Variants in AREL1 observed in about 807,000 individuals in gnomAD.
The protein encoded by AREL1 is apoptosis-resistant E3 ubiquitin protein ligase 1.
In AREL1, 62 loss-of-function variants were observed where a neutral mutation model predicts 99.0. The observed-to-expected ratio is 0.63, with a 90% CI of 0.51 to 0.77. AREL1 has a LOEUF of 0.77. Ranked by LOEUF, AREL1 falls within the 30% of genes least tolerant of loss-of-function variation. The pLI is 0.00. For synonymous variants in AREL1, 380 were observed against 376.5 expected (o/e 1.01, Z -0.11); for missense variants, 879 against 1,027.6 (o/e 0.86, Z 1.98).
At position 74,669,656 on chromosome 14, in the gene AREL1, A is replaced by T; in HGVS notation, c.1907T>A (p.Leu636Ter). The T allele has an allele frequency of 6.2e-7, 1 of 1,614,032 alleles. No homozygotes were observed. The highest frequency in any genetic ancestry group is 1.7e-5 in the Admixed American group (1 of 60,018). The change falls in exon 15 of 20, where the codon TTG becomes TAG. Residue 636 changes from leucine (L) to a stop codon, truncating the protein, a stop_gained. Coordinates refer to ENST00000356357, the MANE Select transcript of AREL1 (RefSeq NM_001039479.2). LOFTEE classifies it high-confidence loss of function. ...CTTTGTCCTCTTTCTCACCTTATCC[A>T]ATTGACCTGATTTATTATATTTCTC... ...AEEKYNKSGQ[L>*]DKVVELMTGG...
chr14:74,663,732 A>G lies in AREL1; in HGVS notation c.2460T>C (p.Phe820=), dbSNP rs753612252. 5 of 1,613,926 alleles carry G rather than the reference A, an allele frequency of 3.1e-6. No homozygotes were observed. The East Asian group carries it at 8.9e-5, about 29-fold the overall frequency. Residue 820 remains phenylalanine, a synonymous_variant, in exon 20 of 20, where the codon TTT becomes TTC. Transcript: ENST00000356357. Reference sequence around the variant, plus strand: ...GACAGGAGAGTGGTCAGAGCATGCCAAAGCCCTCGCAACCCTCGCTGATGG... The same window carrying G: ...GACAGGAGAGTGGTCAGAGCATGCCGAAGCCCTCGCAACCCTCGCTGATGG... The part of the protein sequence containing the change: ...QLAISEGCEG[F]GML
chr14:74,678,360 C>G, intron 5 of AREL1: 1 of 357,010 alleles, frequency 2.8e-6, no homozygotes, highest in Non-Finnish European at 5.4e-6. Context: ...TAGCTAAGCA[C>G]GGTGGTGCAC....
At chr14:74,676,472 G>T in intron 6 of AREL1, 111 bp downstream of exon 6, 1 of 1,428,840 alleles carries the variant, frequency 7.0e-7, no homozygotes, top group Non-Finnish European at 9.5e-7. Context: ...GATACAGACA[G>T]CACAGAAGTC....
intron 13 of AREL1, 145 bp downstream of exon 13, chr14:74,670,617 T>C: frequency 1.5e-6 from 1 of 645,376 alleles, no homozygotes; most frequent in Non-Finnish European, 2.6e-6. Context: ...AGAAAGACAA[T>C]CTGATTAGCT....
In AREL1 at chr14:74,671,500, G is replaced by C. The variant is rs759021376; in HGVS notation, c.1423-17C>G. On this transcript the variant is annotated splice_polypyrimidine_tract_variant and intron_variant, in intron 11 of 19. Transcript: ENST00000356357. ...TTTCAGAGACTGAAAAGAAGTGAAAGGAAGGGAATTGTCAGAACACTGGCT... is the reference window on the plus strand; with the variant it reads ...TTTCAGAGACTGAAAAGAAGTGAAACGAAGGGAATTGTCAGAACACTGGCT... The C allele has an allele frequency of 6.4e-7, 1 of 1,562,236 alleles. No individual in the cohort carries two copies. Among genetic ancestry groups the C allele is most frequent in the East Asian group, 2.3e-5 (1 of 43,246 alleles).
At position 74,662,909 on chromosome 14, in the gene AREL1, C is replaced by G; in HGVS notation, c.*811G>C. ...CATACTTCAGTGCCAATAACAAACT[C>G]AGGGAAAAGCATCAGTAGTCTCCAA... On this transcript the variant is annotated 3_prime_UTR_variant, in exon 20 of 20. Transcript: ENST00000356357. The G allele has an allele frequency of 3.3e-6, 1 of 300,952 alleles. No individual in the cohort carries two copies. The highest frequency in any genetic ancestry group is 6.1e-6 in the Non-Finnish European group (1 of 164,166). The allele number at this position is 300,952 out of a possible 1,614,324, so 18.6% of individuals were successfully genotyped here. A position where few individuals can be genotyped will look rare whatever the true frequency, so the allele number is the denominator to read the frequency against.
chr14:74,682,836 TCGC>T (rs1240314948), intron 5 of AREL1, among the ~76,000 whole-genome samples: 1 of 152,260 alleles, frequency 6.6e-6, no homozygotes, highest in Non-Finnish European at 1.5e-5. Context: ...TGCTCCCGCT[TCGC>T]CTTCCACCAT....
Position 74,683,378 on chromosome 14 carries a change from G to A in AREL1, c.399C>T (p.Arg133=), listed in dbSNP as rs1329348882. 1 of 1,613,956 alleles carries A rather than the reference G, an allele frequency of 6.2e-7. No homozygotes were observed. The highest frequency in any genetic ancestry group is 1.3e-5 in the African/African-American group (1 of 74,872). Residue 133 remains arginine, a synonymous_variant, in exon 5 of 20, where the codon CGC becomes CGT. Transcript: ENST00000356357. ...SNVVKVAFTV[R]KAGRYEITVK... is the part of the protein sequence containing the mutation. ...CTGTGATTTCATAACGCCCAGCCTT[G>A]CGCACAGTGAAGGCCACTTTTACTA...
chr14:74,684,060 A>G (rs1390324072), intron 4 of AREL1, among the ~76,000 whole-genome samples: 1 of 152,192 alleles, frequency 6.6e-6, no homozygotes, highest in African/African-American at 2.4e-5. Flanking sequence ...TGTGGACCGT[A>G]CACAACTACT....
At chr14:74,664,613 A>ATTTTTTTTT (rs747317541) in intron 18 of AREL1, among the ~76,000 whole-genome samples, 2 of 117,970 alleles carry the variant, frequency 1.7e-5, no homozygotes, top group Middle Eastern at 4.3e-3. Context: ...CACCCAGCTA[A>ATTTTTTTTT]TTTTTTTTTT....
intron 18 of AREL1, among the ~76,000 whole-genome samples, chr14:74,664,613 ATTTTTT>A (rs747317541): frequency 6.8e-5 from 8 of 117,972 alleles, no homozygotes; most frequent in East Asian, 4.8e-4. Flanking sequence ...CACCCAGCTA[ATTTTTT>A]TTTTTTTTTT....
chr14:74,662,910 A>C lies in AREL1; in HGVS notation c.*810T>G, dbSNP rs1356198512. The C allele has an allele frequency of 2.3e-5, 7 of 299,692 alleles. No individual in the cohort carries two copies. The Admixed American group carries it at 2.6e-4, about 11-fold the overall frequency. The allele number at this position is 299,692 out of a possible 1,614,324, so 18.6% of individuals were successfully genotyped here. A position where few individuals can be genotyped will look rare whatever the true frequency, so the allele number is the denominator to read the frequency against. ...ATACTTCAGTGCCAATAACAAACTC[A>C]GGGAAAAGCATCAGTAGTCTCCAAG... On this transcript the variant is annotated 3_prime_UTR_variant, in exon 20 of 20. Coordinates refer to ENST00000356357, the MANE Select transcript of AREL1 (RefSeq NM_001039479.2).
At chr14:74,705,157 G>A (rs1266653028) in intron 1 of AREL1, among the ~76,000 whole-genome samples, 8 of 151,496 alleles carry the variant, frequency 5.3e-5, no homozygotes, top group South Asian at 2.1e-4. Context: ...CTCCTGCCTC[G>A]GCCTCCCAAG....
intron 1 of AREL1, among the ~76,000 whole-genome samples, chr14:74,694,866 G>A (rs1417882806): frequency 1.3e-5 from 2 of 151,782 alleles, no homozygotes; most frequent in Non-Finnish European, 2.9e-5. Context: ...GCGGGTGCCT[G>A]TAGTCCTAGC....
At chr14:74,664,808 C>A in intron 18 of AREL1, 28 bp downstream of exon 18, 3 of 1,600,014 alleles carry the variant, frequency 1.9e-6, no homozygotes, top group Non-Finnish European at 2.6e-6. Context: ...TGGCACAAAT[C>A]CAACTGAAAG....
intron 1 of AREL1, among the ~76,000 whole-genome samples, chr14:74,694,050 G>A (rs971601762): frequency 9.2e-5 from 14 of 152,018 alleles, no homozygotes; most frequent in Admixed American, 7.2e-4. Context: ...GGCGGCAGGC[G>A]CCTGTGGTCC....
rs1231652389 is a variant in AREL1 at position 74,675,955 on chromosome 14, T to C, written c.833-9A>G. On this transcript the variant is annotated splice_polypyrimidine_tract_variant and intron_variant, in intron 7 of 19. Coordinates refer to ENST00000356357, the MANE Select transcript of AREL1 (RefSeq NM_001039479.2). ...GATATTCTTCTCATCCTCTGAAGTA[T>C]AATAAGGAATAAGGTTTAAAGTAGA... 23 of 1,572,368 alleles carry C rather than the reference T, an allele frequency of 1.5e-5. No individual in the cohort carries two copies. The South Asian group carries it at 2.8e-4, about 19-fold the overall frequency.
intron 12 of AREL1, 122 bp downstream of exon 12, chr14:74,671,286 T>A (rs1183988955): frequency 1.7e-5 from 7 of 421,514 alleles, no homozygotes; most frequent in Non-Finnish European, 2.4e-5. Context: ...AACCTAGGTT[T>A]TTTTTTTTAG....
rs1295076727 is a variant in AREL1 at position 74,713,061 on chromosome 14, G to A, written c.-462C>T. On this transcript the variant is annotated 5_prime_UTR_variant, in exon 1 of 20. Transcript: ENST00000356357. ...CCCAGAGTTGGTCTCCACCCGGCCT[G>A]GGAACCGGCTCGGGGGATTGCCCTT... is the stretch of plus-strand genomic sequence containing the variant. 6 of 1,548,698 alleles carry A rather than the reference G, an allele frequency of 3.9e-6. No homozygotes were observed. The South Asian group carries it at 6.7e-5, about 17-fold the overall frequency.
Sources: allele counts gnomAD v4.1 joint callset (sites outside exome capture counted in the v4.1 genomes callset), GRCh38; gene constraint gnomAD v4.1.1; transcripts MANE v1.5; gene names NCBI Gene and HGNC (gene_info 2026-07-23, HGNC 2026-07-21).